Variants in FBXL7 observed in about 807,000 individuals in gnomAD.
The protein encoded by FBXL7 is F-box and leucine rich repeat protein 7.
Under a neutral mutation model 38.3 loss-of-function variants are expected in FBXL7, and 12 were observed. That is an observed-to-expected ratio of 0.31 (90% confidence interval 0.20 to 0.51). The LOEUF (loss-of-function observed/expected upper bound fraction) is 0.51. Ranked by LOEUF, FBXL7 falls within the 20% of genes least tolerant of loss-of-function variation. The pLI, the probability that FBXL7 is intolerant of heterozygous loss-of-function variation, is 0.98. For missense variants in FBXL7, 567 were observed against 676.4 expected, an observed-to-expected ratio of 0.84 and a Z score of 1.79; for synonymous variants, 297 against 300.9, an observed-to-expected ratio of 0.99 and a Z score of 0.13.
At chr5:15,886,210 G>GGTGTGTGTGTGTGTGTGT (rs140069204) in intron 2 of FBXL7, among the ~76,000 whole-genome samples, 14 of 149,986 alleles carry the variant, frequency 9.3e-5, no homozygotes, top group African/African-American at 3.4e-4. Context: ...ATAATTTTGA[G>GGTGTGTGTGTGTGTGTGT]GTGTGTGTGT....
At chr5:15,722,698 G>A (rs1345950737) in intron 2 of FBXL7, among the ~76,000 whole-genome samples, 10 of 152,146 alleles carry the variant, frequency 6.6e-5, no homozygotes, top group East Asian at 5.8e-4. Flanking sequence ...CGAGGTGGGT[G>A]GATCACCTGA....
At chr5:15,827,705 C>T (rs1198275288) in intron 2 of FBXL7, among the ~76,000 whole-genome samples, 1 of 152,188 alleles carries the variant, frequency 6.6e-6, no homozygotes, top group African/African-American at 2.4e-5. Flanking sequence ...ACTCAAAGGT[C>T]TCCTCTCCCT....
At chr5:15,601,521 A>C (rs993757988) in intron 1 of FBXL7, among the ~76,000 whole-genome samples, 1 of 152,106 alleles carries the variant, frequency 6.6e-6, no homozygotes, top group Non-Finnish European at 1.5e-5. Context: ...AAAGGCCTGT[A>C]GGTGGGTGTG....
intron 2 of FBXL7, among the ~76,000 whole-genome samples, chr5:15,779,079 A>G (rs1195315086): frequency 6.6e-6 from 1 of 152,112 alleles, no homozygotes; most frequent in Non-Finnish European, 1.5e-5. Flanking sequence ...TGGGTATTTC[A>G]TCTTGAGCAG....
chr5:15,550,861 A>G (rs1404571295), intron 1 of FBXL7, among the ~76,000 whole-genome samples: 2 of 152,142 alleles, frequency 1.3e-5, no homozygotes, highest in African/African-American at 4.8e-5. Flanking sequence ...CCACTGGGCC[A>G]TGGGCCTGCC....
intron 2 of FBXL7, among the ~76,000 whole-genome samples, chr5:15,894,742 TA>T (rs1741041374): frequency 1.3e-5 from 2 of 152,188 alleles, no homozygotes; most frequent in Admixed American, 1.3e-4. Flanking sequence ...TTACTGTTAT[TA>T]AGCCTCAAAA....
chr5:15,808,066 C>G (rs1368071216), intron 2 of FBXL7, among the ~76,000 whole-genome samples: 1 of 152,068 alleles, frequency 6.6e-6, no homozygotes, highest in Admixed American at 6.5e-5. Flanking sequence ...CTTTCCAGGT[C>G]TGTCAGCAGC....
chr5:15,621,427 C>G (rs781256646), intron 2 of FBXL7, among the ~76,000 whole-genome samples: 3 of 152,132 alleles, frequency 2.0e-5, no homozygotes, highest in Non-Finnish European at 2.9e-5. Context: ...CAGTCTTTCT[C>G]ATTCATGGGG....
intron 2 of FBXL7, among the ~76,000 whole-genome samples, chr5:15,871,811 T>C (rs1315624373): frequency 6.6e-6 from 1 of 152,122 alleles, no homozygotes; most frequent in African/African-American, 2.4e-5. Context: ...CAACGTTTGA[T>C]TGATGTACCT....
intron 1 of FBXL7, among the ~76,000 whole-genome samples, chr5:15,518,444 T>TA (rs2126369573): frequency 6.6e-6 from 1 of 152,300 alleles, no homozygotes; most frequent in East Asian, 1.9e-4. Flanking sequence ...CTCGATACCC[T>TA]AGCAGTGATG....
intron 2 of FBXL7, among the ~76,000 whole-genome samples, chr5:15,870,598 G>T (rs1424287768): frequency 6.6e-6 from 1 of 152,180 alleles, no homozygotes; most frequent in East Asian, 1.9e-4. Context: ...TGCTGGTTTT[G>T]CTGGGTATAT....
chr5:15,924,344 A>G (rs545999286), intron 2 of FBXL7, among the ~76,000 whole-genome samples: 3 of 152,346 alleles, frequency 2.0e-5, no homozygotes, highest in African/African-American at 4.8e-5. Context: ...TGCACCTACT[A>G]TATATCATAA....
chr5:15,638,278 A>G (rs1741250322), intron 2 of FBXL7, among the ~76,000 whole-genome samples: 1 of 152,160 alleles, frequency 6.6e-6, no homozygotes, highest in Admixed American at 6.5e-5. Flanking sequence ...TGGAGTCACA[A>G]GGGGGAATTG....
rs188654710 is a variant in FBXL7 at position 15,585,914 on chromosome 5, G to A, written c.38-30069G>A. Among the ~76,000 whole-genome samples the A allele has an allele frequency of 8.5e-5, 13 of 152,254 alleles. No individual in the cohort carries two copies. In the East Asian group the frequency reaches 2.5e-3, roughly 29 times the overall value. The stretch of plus-strand genomic sequence containing the variant: ...AAATGCCAGTGAATGGCTATTCCTG[G>A]AGGAAGCTTCCCTTTGGCTTATTTT... On this transcript the variant is annotated intron_variant, in intron 1 of 3. Transcript: ENST00000504595.
At chr5:15,615,791 A>G (rs1022975789) in intron 1 of FBXL7, among the ~76,000 whole-genome samples, 192 bp from the exon 2 acceptor site, 1 of 152,226 alleles carries the variant, frequency 6.6e-6, no homozygotes, top group Non-Finnish European at 1.5e-5. Flanking sequence ...TAGTTCTCCT[A>G]TAACATGGAT....
At chr5:15,628,982 A>T (rs2126538073) in intron 2 of FBXL7, among the ~76,000 whole-genome samples, 1 of 152,060 alleles carries the variant, frequency 6.6e-6, no homozygotes, top group East Asian at 1.9e-4. Flanking sequence ...GGGTTCTTTT[A>T]GTAGAGAAAT....
chr5:15,781,414 GA>G (rs1439721720), intron 2 of FBXL7, among the ~76,000 whole-genome samples: 1 of 151,740 alleles, frequency 6.6e-6, no homozygotes, highest in Non-Finnish European at 1.5e-5. Context: ...GGAGGATGGG[GA>G]AAGGAGAAAT....
chr5:15,636,361 G>A (rs560143117), intron 2 of FBXL7, among the ~76,000 whole-genome samples: 27 of 152,114 alleles, frequency 1.8e-4, no homozygotes, highest in African/African-American at 4.8e-4. Flanking sequence ...TTAATATATG[G>A]CTGCTAAAGA....
At chr5:15,509,281 T>C (rs1736731300) in intron 1 of FBXL7, among the ~76,000 whole-genome samples, 1 of 152,176 alleles carries the variant, frequency 6.6e-6, no homozygotes, top group South Asian at 2.1e-4. Flanking sequence ...TCTTTTTTTT[T>C]ATTCCTGCTA....
Sources: allele counts gnomAD v4.1 joint callset (sites outside exome capture counted in the v4.1 genomes callset), GRCh38; gene constraint gnomAD v4.1.1; transcripts MANE v1.5; gene names NCBI Gene and HGNC (gene_info 2026-07-23, HGNC 2026-07-21).